DTNA: variants seen among roughly 807,000 people sequenced by gnomAD.
DTNA encodes dystrophin-related protein 3.
In DTNA, 43 loss-of-function variants were observed where a neutral mutation model predicts 100.7. The observed-to-expected ratio is 0.43, with a 90% CI of 0.33 to 0.55. The LOEUF is 0.55. Ranked by LOEUF, DTNA falls within the 20% of genes least tolerant of loss-of-function variation. The pLI, the probability that DTNA is intolerant of heterozygous loss-of-function variation, is 0.04. For synonymous variants in DTNA, 349 were observed against 347.9 expected (o/e 1.00, Z -0.04); for missense variants, 798 against 953.9 (o/e 0.84, Z 2.15).
intron 1 of DTNA, among the ~76,000 whole-genome samples, chr18:34,688,181 A>G (rs974434024): frequency 2.6e-5 from 4 of 152,200 alleles, no homozygotes; most frequent in Non-Finnish European, 5.9e-5. Context: ...TGATCCTGTC[A>G]TCATGATGCT....
chr18:34,519,477 A>T (rs1441524270), intron 1 of DTNA, among the ~76,000 whole-genome samples: 1 of 152,154 alleles, frequency 6.6e-6, no homozygotes. Flanking sequence ...CTTCTGAGCC[A>T]CAATTTCATC....
Position 34,879,658 on chromosome 18 carries a change from C to T in DTNA, c.2101C>T (p.His701Tyr), listed in dbSNP as rs772866088. 1.4e-5 allele frequency: 23 copies of T among 1,614,076 alleles called. 1 individual carries two copies. The Admixed American group carries it at 3.8e-4, about 27-fold the overall frequency. ...TSEKAFLAQI[H>Y]ARKPGYIHSG... ...TGAAAAGGCTTTTCTAGCGCAAATC[C>T]ATGCCCGAAAACCTGGGTACATTCA... is the stretch of plus-strand genomic sequence containing the variant. Residue 701 changes from histidine (H) to tyrosine (Y), a missense_variant, in exon 20 of 23, where the codon CAT becomes TAT. Around this residue, in one of 6 missense-constraint regions of DTNA, gnomAD observed 242 missense variants for 238.2 expected, o/e 1.02. Transcript: ENST00000444659.
intron 16 of DTNA, 118 bp downstream of exon 16, chr18:34,858,516 T>G: frequency 1.0e-6 from 1 of 969,248 alleles, no homozygotes; most frequent in Non-Finnish European, 1.6e-6. Flanking sequence ...ACATTTGTTT[T>G]TTTCATAGCA....
intron 1 of DTNA, among the ~76,000 whole-genome samples, chr18:34,508,676 T>C (rs1012885530): frequency 3.3e-5 from 5 of 152,174 alleles, no homozygotes; most frequent in African/African-American, 1.2e-4. Flanking sequence ...TTAAGGACAG[T>C]ATTTTATATA....
At chr18:34,864,314 A>C (rs911711711) in intron 17 of DTNA, among the ~76,000 whole-genome samples, 1 of 143,788 alleles carries the variant, frequency 7.0e-6, no homozygotes, top group South Asian at 2.2e-4. Flanking sequence ...GCAGTGGCGC[A>C]GTCTCGGCTC....
At chr18:34,496,205 A>AACACACACACAC (rs367764683) in intron 1 of DTNA, among the ~76,000 whole-genome samples, 12,148 of 138,370 alleles carry the variant, frequency 0.088, 622 homozygotes, top group East Asian at 0.13. Flanking sequence ...CCCTCCCTGC[A>AACACACACACAC]ACACACACAC....
intron 13 of DTNA, among the ~76,000 whole-genome samples, chr18:34,841,352 G>C (rs556501576): frequency 3.3e-4 from 50 of 152,206 alleles, no homozygotes; most frequent in African/African-American, 1.2e-3. Context: ...TCTTATTCTA[G>C]TGTTTTTATT....
intron 1 of DTNA, among the ~76,000 whole-genome samples, chr18:34,564,550 A>C (rs16965457): frequency 6.6e-6 from 1 of 152,158 alleles, no homozygotes. Flanking sequence ...ATTAAATACA[A>C]AGCCCTTTTC....
At chr18:34,879,957 C>T (rs2096856271) in intron 20 of DTNA, among the ~76,000 whole-genome samples, 1 of 152,056 alleles carries the variant, frequency 6.6e-6, no homozygotes, top group African/African-American at 2.4e-5. Flanking sequence ...CTATCAAGAG[C>T]CTGCCTTGCC....
At chr18:34,795,825 G>A (rs922070825) in intron 4 of DTNA, among the ~76,000 whole-genome samples, 1 of 152,178 alleles carries the variant, frequency 6.6e-6, no homozygotes, top group Non-Finnish European at 1.5e-5. Flanking sequence ...TATTTTGTGA[G>A]ATATATAGGA....
At chr18:34,847,053 A>G (rs2096392297) in intron 13 of DTNA, among the ~76,000 whole-genome samples, 1 of 152,212 alleles carries the variant, frequency 6.6e-6, no homozygotes, top group Admixed American at 6.5e-5. Context: ...ACATACCACA[A>G]TAACCAATAA....
At chr18:34,867,249 C>T in intron 17 of DTNA, 5 of 1,231,322 alleles carry the variant, frequency 4.1e-6, no homozygotes, top group South Asian at 4.1e-5. Flanking sequence ...ATGCTGGACA[C>T]ATTTTTACCC....
chr18:34,514,825 T>A (rs529198385), intron 1 of DTNA, among the ~76,000 whole-genome samples: 1 of 152,156 alleles, frequency 6.6e-6, no homozygotes, highest in East Asian at 1.9e-4. Flanking sequence ...TTTGTCCTCA[T>A]GACCTAATTA....
chr18:34,673,132 G>A (rs889814050), intron 1 of DTNA, among the ~76,000 whole-genome samples: 3 of 152,018 alleles, frequency 2.0e-5, no homozygotes, highest in African/African-American at 7.3e-5. Flanking sequence ...TGTCACTCAG[G>A]CTGAAATGCA....
intron 1 of DTNA, among the ~76,000 whole-genome samples, chr18:34,720,685 GA>G (rs1301045064): frequency 1.3e-5 from 2 of 152,104 alleles, no homozygotes; most frequent in African/African-American, 4.8e-5. Flanking sequence ...GTGCCAGGCC[GA>G]CCACCCAATA....
At chr18:34,597,715 T>A (rs941920374) in intron 1 of DTNA, among the ~76,000 whole-genome samples, 2 of 152,114 alleles carry the variant, frequency 1.3e-5, no homozygotes, top group South Asian at 4.1e-4. Flanking sequence ...AATGGCTGCC[T>A]CCACAATATG....
At chr18:34,584,444 A>C (rs2048928139) in intron 1 of DTNA, among the ~76,000 whole-genome samples, 1 of 152,240 alleles carries the variant, frequency 6.6e-6, no homozygotes. Flanking sequence ...TGGTGCTATG[A>C]AAAAGGAGAA....
chr18:34,777,037 C>A (rs1490319456), intron 3 of DTNA, among the ~76,000 whole-genome samples: 4 of 152,240 alleles, frequency 2.6e-5, no homozygotes, highest in African/African-American at 9.6e-5. Context: ...AGCTCTCTAC[C>A]TTGGCAACCC....
intron 11 of DTNA, among the ~76,000 whole-genome samples, chr18:34,829,707 A>G (rs552204699): frequency 6.6e-6 from 1 of 152,188 alleles, no homozygotes; most frequent in African/African-American, 2.4e-5. Flanking sequence ...TCATAGCCTC[A>G]TACCGGTATA....
Sources: allele counts gnomAD v4.1 joint callset (sites outside exome capture counted in the v4.1 genomes callset), GRCh38; gene constraint gnomAD v4.1.1; regional missense constraint gnomAD v4.1.1; transcripts MANE v1.5; gene names NCBI Gene and HGNC (gene_info 2026-07-23, HGNC 2026-07-21).